Variants in MPDZ observed in about 807,000 individuals in gnomAD.
MPDZ encodes multiple PDZ domain protein.
A neutral mutation model predicts 239.1 loss-of-function variants in MPDZ; 234 were observed. The ratio of observed to expected loss-of-function variants is 0.98; its 90% CI spans 0.88 to 1.09. The LOEUF is 1.09. Among genes scored for constraint, MPDZ ranks in the 50% least tolerant of loss-of-function variants. The pLI, the probability that MPDZ is intolerant of heterozygous loss-of-function variation, is 0.00. For missense variants in MPDZ, 3,175 were observed against 2,510.0 expected (o/e 1.26, Z -5.66); for synonymous variants, 1,048 against 881.3 (o/e 1.19, Z -3.35).
intron 1 of MPDZ, among the ~76,000 whole-genome samples, chr9:13,274,069 G>C (rs1973614890): frequency 6.6e-6 from 1 of 152,090 alleles, no homozygotes; most frequent in Non-Finnish European, 1.5e-5. Flanking sequence ...CAAAATATGT[G>C]TCTTGGGGAT....
At chr9:13,247,849 T>C (rs754591326) in intron 2 of MPDZ, 48 bp from the exon 3 acceptor site, 3 of 1,531,080 alleles carry the variant, frequency 2.0e-6, no homozygotes, top group Admixed American at 1.7e-5. Context: ...AAAGGACACA[T>C]GTCCAGCCTA....
intron 27 of MPDZ, among the ~76,000 whole-genome samples, chr9:13,140,417 T>C (rs1015836647): frequency 2.0e-5 from 3 of 146,524 alleles, no homozygotes; most frequent in African/African-American, 7.5e-5. Context: ...TATGTATATA[T>C]ATGAGCTTTC....
chr9:13,196,201 C>T lies in MPDZ; in HGVS notation c.1576G>A (p.Glu526Lys). Residue 526 changes from glutamate (E) to lysine (K), a missense_variant, in exon 13 of 47, where the codon GAA becomes AAA. By Grantham distance (56) the Glu-to-Lys change is moderately conservative. Transcript: ENST00000319217. ...GYPLLSAEIE[E>K]IEDAQKQEAA... ...TCTTGTTTTTGTGCATCTTCTATTT[C>T]TTCTATCTCAGCTGACAGTAATGGA... 6.3e-7 allele frequency: 1 copy of T among 1,597,476 alleles called. No individual in the cohort carries two copies. Among genetic ancestry groups the T allele is most frequent in the Non-Finnish European group, 8.5e-7 (1 of 1,170,658 alleles).
chr9:13,153,973 C>G (rs1181471890), intron 24 of MPDZ, among the ~76,000 whole-genome samples: 2 of 152,134 alleles, frequency 1.3e-5, no homozygotes, highest in African/African-American at 4.8e-5. Context: ...GTATTATTCT[C>G]TGAGTAAGTT....
At chr9:13,176,526 A>G (rs1952515286) in intron 19 of MPDZ, 109 bp from the exon 20 acceptor site, 2 of 945,672 alleles carry the variant, frequency 2.1e-6, no homozygotes, top group Admixed American at 6.5e-5. Flanking sequence ...TGTAAAACAT[A>G]ACAATTATTT....
chr9:13,242,611 A>T (rs1965695542), intron 3 of MPDZ, among the ~76,000 whole-genome samples: 1 of 152,138 alleles, frequency 6.6e-6, no homozygotes. Context: ...AATATCCAAA[A>T]AAAAAAATGC....
intron 19 of MPDZ, among the ~76,000 whole-genome samples, chr9:13,177,995 A>G (rs1952733577): frequency 6.6e-6 from 1 of 152,166 alleles, no homozygotes; most frequent in African/African-American, 2.4e-5. Flanking sequence ...ACATATTTTT[A>G]GTAGAGACGG....
intron 7 of MPDZ, among the ~76,000 whole-genome samples, chr9:13,220,308 G>A (rs1958936752): frequency 6.6e-6 from 1 of 151,928 alleles, no homozygotes; most frequent in Non-Finnish European, 1.5e-5. Flanking sequence ...AGTCTTATGA[G>A]CCTCCATACA....
Position 13,106,835 on chromosome 9 carries a change from TAA to T in MPDZ, c.*128_*129del. On this transcript the variant is annotated 3_prime_UTR_variant, in exon 47 of 47. Transcript: ENST00000319217. ...CATTTCTAGATGAGAAAAAGAAACT[TAA>T]GTGTTATTTCCCCCCTACAGTTTTG... 1 of 962,122 alleles carries T rather than the reference TAA, an allele frequency of 1.0e-6. No individual in the cohort carries two copies. The highest frequency in any genetic ancestry group is 1.5e-6 in the Non-Finnish European group (1 of 664,342). 59.6% of individuals were successfully genotyped at this position (962,122 alleles called of 1,614,324 possible). A position where few individuals can be genotyped will look rare whatever the true frequency, so the allele number is the denominator to read the frequency against.
chr9:13,172,441 G>C (rs1445410113), intron 21 of MPDZ, among the ~76,000 whole-genome samples: 1 of 149,888 alleles, frequency 6.7e-6, no homozygotes. Context: ...GGAGTGTAGT[G>C]GCACGATCTC....
In MPDZ at chr9:13,192,280, A is replaced by G; in HGVS notation, c.1819T>C (p.Leu607=). ...DELLEVNGIT[L]LGENHQDVVN... is the part of the protein sequence containing the mutation. The stretch of plus-strand genomic sequence containing the variant: ...ACATCTTGGTGATTTTCCCCAAGTA[A>G]AGTTATGCCATTTACCTGTGAAAAA... Residue 607 remains leucine, a synonymous_variant, in exon 15 of 47, where the codon TTA becomes CTA. Transcript: ENST00000319217. 6.3e-7 allele frequency: 1 copy of G among 1,598,472 alleles called. No individual in the cohort carries two copies. Among genetic ancestry groups the G allele is most frequent in the Non-Finnish European group, 8.5e-7 (1 of 1,171,320 alleles).
chr9:13,222,964 T>A (rs1450326799), intron 5 of MPDZ, among the ~76,000 whole-genome samples: 1 of 151,904 alleles, frequency 6.6e-6, no homozygotes. Flanking sequence ...TCAAAAAAAA[T>A]AATGCCACAA....
At position 13,199,120 on chromosome 9, in the gene MPDZ, T is replaced by C. The variant is rs558192227; in HGVS notation, c.1547-2890A>G. On this transcript the variant is annotated intron_variant, in intron 12 of 46. Coordinates refer to ENST00000319217, the MANE Select transcript of MPDZ (RefSeq NM_001378778.1). Reference sequence around the variant, plus strand: ...TTTGGTAGTATTGATATTTTAACAATATTAATTCTTCTAGTCCATGATCAT... The same window carrying C: ...TTTGGTAGTATTGATATTTTAACAACATTAATTCTTCTAGTCCATGATCAT... Among the ~76,000 whole-genome samples the C allele has an allele frequency of 1.8e-4, 27 of 152,196 alleles. No homozygotes were observed. The South Asian group carries it at 5.6e-3, about 32-fold the overall frequency.
At chr9:13,136,320 G>GTTTTTTTTTTTTGTTTTTTTTT (rs1444109820) in intron 30 of MPDZ, 138 bp from the exon 31 acceptor site, 1 of 192,916 alleles carries the variant, frequency 5.2e-6, no homozygotes, top group Non-Finnish European at 8.3e-6. Context: ...ATTTACAAAC[G>GTTTTTTTTTTTTGTTTTTTTTT]TTTTCTTTTT....
intron 1 of MPDZ, among the ~76,000 whole-genome samples, chr9:13,271,940 T>G (rs1732445086): frequency 1.3e-5 from 2 of 152,028 alleles, no homozygotes; most frequent in Non-Finnish European, 2.9e-5. Context: ...GAACGCAAAC[T>G]AATCTACAGT....
At chr9:13,113,715 A>G (rs899494034) in intron 41 of MPDZ, among the ~76,000 whole-genome samples, 3 of 152,244 alleles carry the variant, frequency 2.0e-5, no homozygotes, top group African/African-American at 7.2e-5. Flanking sequence ...TCCTGATTAT[A>G]ATGTTTAGTG....
At chr9:13,191,302 A>T (rs2135014318) in intron 15 of MPDZ, among the ~76,000 whole-genome samples, 1 of 152,278 alleles carries the variant, frequency 6.6e-6, no homozygotes, top group East Asian at 1.9e-4. Flanking sequence ...AAATTATTCC[A>T]TTGTACTGAT....
Position 13,123,242 on chromosome 9 carries a change from T to C in MPDZ, c.4864A>G (p.Ile1622Val), listed in dbSNP as rs747548775. ...IFASDPATCPIIPGCETTIEI... is the reference protein window; with the variant it reads ...IFASDPATCPVIPGCETTIEI... ...ATGGTTGTTTCGCAGCCAGGGATAA[T>C]GGGGCAGGTTGCAGGATCAGAAGCA... is the stretch of plus-strand genomic sequence containing the variant. The change falls in exon 36 of 47, where the codon ATT becomes GTT. Residue 1622 changes from isoleucine to valine, a missense_variant. By Grantham distance (29) the Ile-to-Val change is conservative. Transcript: ENST00000319217. 2.7e-5 allele frequency: 44 copies of C among 1,613,352 alleles called. No homozygotes were observed. Among genetic ancestry groups the C allele is most frequent in the Admixed American group, 3.3e-5 (2 of 59,974 alleles).
chr9:13,153,485 C>T (rs1471528326), intron 24 of MPDZ, among the ~76,000 whole-genome samples: 1 of 152,040 alleles, frequency 6.6e-6, no homozygotes, highest in African/African-American at 2.4e-5. Flanking sequence ...ATTCTGCAGC[C>T]CAGTCTGGAG....
Sources: allele counts gnomAD v4.1 joint callset (sites outside exome capture counted in the v4.1 genomes callset), GRCh38; gene constraint gnomAD v4.1.1; transcripts MANE v1.5; gene names NCBI Gene and HGNC (gene_info 2026-07-23, HGNC 2026-07-21).